DGLUCY: variants seen among roughly 807,000 people sequenced by gnomAD.
DGLUCY encodes D-glutamate cyclase, also known as D-glutamate cyclase, mitochondrial.
DGLUCY carries 58 observed loss-of-function variants against 58.5 expected under a neutral mutation model. The ratio of observed to expected loss-of-function variants is 0.99; its 90% CI spans 0.80 to 1.23. The LOEUF (loss-of-function observed/expected upper bound fraction) is 1.23. DGLUCY is among the 50% of genes most tolerant of loss of function. The pLI is 0.00. For missense variants in DGLUCY, 779 were observed against 784.7 expected, an observed-to-expected ratio of 0.99 and a Z score of 0.09; for synonymous variants, 325 against 314.1, an observed-to-expected ratio of 1.03 and a Z score of -0.37.
intron 1 of DGLUCY, among the ~76,000 whole-genome samples, chr14:91,129,716 G>A (rs1019020397): frequency 4.6e-5 from 7 of 151,192 alleles, no homozygotes; most frequent in African/African-American, 1.5e-4. Context: ...GCGCAATCTC[G>A]GCTCACCACA....
chr14:91,082,183 T>C (rs1318551226), intron 1 of DGLUCY, among the ~76,000 whole-genome samples: 1 of 152,054 alleles, frequency 6.6e-6, no homozygotes, highest in African/African-American at 2.4e-5. Flanking sequence ...GAAATTGTGA[T>C]AGAGCATGTA....
intron 1 of DGLUCY, among the ~76,000 whole-genome samples, chr14:91,115,429 C>T (rs1057366693): frequency 1.3e-5 from 2 of 151,704 alleles, no homozygotes; most frequent in Admixed American, 6.6e-5. Context: ...CCTTTTTTTC[C>T]CCCCTTCATT....
At position 91,165,312 on chromosome 14, in the gene DGLUCY, C is replaced by T. The variant is rs1055719876; in HGVS notation, c.104-1913C>T. 1.3e-4 allele frequency: 60 copies of T among 455,192 alleles called. No individual in the cohort carries two copies. The Admixed American group carries it at 1.4e-3, about 10-fold the overall frequency. 28.2% of individuals were successfully genotyped at this position (455,192 alleles called of 1,614,324 possible). On this transcript the variant is annotated intron_variant, in intron 3 of 13. Transcript: ENST00000256324. Reference sequence around the variant, plus strand: ...ACCGAGGTGCTCAATAACTTACATACATTACCTCCCTGAGGTCTCTTGGAG... The same window carrying T: ...ACCGAGGTGCTCAATAACTTACATATATTACCTCCCTGAGGTCTCTTGGAG...
At chr14:91,163,448 G>A (rs1001522514) in intron 3 of DGLUCY, among the ~76,000 whole-genome samples, 1 of 152,144 alleles carries the variant, frequency 6.6e-6, no homozygotes, top group Non-Finnish European at 1.5e-5. Context: ...GCAGCTGGGG[G>A]TGTCTCACGT....
At chr14:91,094,847 C>A (rs963671974) in intron 1 of DGLUCY, among the ~76,000 whole-genome samples, 13 of 151,884 alleles carry the variant, frequency 8.6e-5, no homozygotes, top group African/African-American at 2.9e-4. Context: ...AGTCTTCAGG[C>A]CTCGAGTGAG....
At chr14:91,110,269 G>A (rs1253402720), upstream of DGLUCY, among the ~76,000 whole-genome samples, 2 of 152,024 alleles carry the variant, frequency 1.3e-5, no homozygotes, top group Non-Finnish European at 2.9e-5. Context: ...TTGCACCTCT[G>A]GCCATACACA....
chr14:91,136,875 A>C, intron 1 of DGLUCY, among the ~76,000 whole-genome samples: 1 of 152,118 alleles, frequency 6.6e-6, no homozygotes, highest in East Asian at 1.9e-4. Context: ...AGGCTGAGGC[A>C]GGAGAATTGC....
chr14:91,215,293 T>C, intron 12 of DGLUCY, 112 bp from the exon 13 acceptor site: 3 of 1,482,806 alleles, frequency 2.0e-6, no homozygotes, highest in Non-Finnish European at 1.8e-6. Context: ...CAGATGATAC[T>C]GGTGCTACGG....
At position 91,223,705 on chromosome 14, in the gene DGLUCY, T is replaced by C. The variant is rs931339678; in HGVS notation, c.1717-979T>C. ...AGAGCAAAGGGAGAAAGCTCTAGGC[T>C]AAAGGCCAGAAGACCTAGCCCTGCC... On this transcript the variant is annotated intron_variant, in intron 13 of 13. Transcript: ENST00000256324. The C allele has an allele frequency of 2.5e-4, 321 of 1,288,000 alleles. 2 individuals are homozygous for C. The highest frequency in any genetic ancestry group is 2.9e-4 in the Non-Finnish European group (290 of 988,452). The allele number at this position is 1,288,000 out of a possible 1,614,324, so 79.8% of individuals were successfully genotyped here. A position where few individuals can be genotyped will look rare whatever the true frequency, so the allele number is the denominator to read the frequency against.
chr14:91,182,747 G>A (rs976865937), intron 8 of DGLUCY, among the ~76,000 whole-genome samples: 1 of 152,128 alleles, frequency 6.6e-6, no homozygotes, highest in Non-Finnish European at 1.5e-5. Context: ...GGACCCTACA[G>A]CCACAGCCTC....
At chr14:91,218,469 C>G (rs1244340634) in intron 13 of DGLUCY, among the ~76,000 whole-genome samples, 1 of 150,218 alleles carries the variant, frequency 6.7e-6, no homozygotes, top group African/African-American at 2.5e-5. Flanking sequence ...GTGGAGAAAT[C>G]TCAGCTCACT....
In DGLUCY at chr14:91,196,410, C is replaced by T; in HGVS notation, c.1231C>T (p.Gln411Ter). The T allele has an allele frequency of 6.2e-7, 1 of 1,613,978 alleles. No individual in the cohort carries two copies. Among genetic ancestry groups the T allele is most frequent in the Non-Finnish European group, 8.5e-7 (1 of 1,179,990 alleles). Residue 411 changes from glutamine to a stop codon, truncating the protein, a stop_gained, in exon 10 of 14, where the codon CAA (glutamine) becomes TAA (stop). Transcript: ENST00000256324. LOFTEE classifies it high-confidence loss of function. ...GACGCAGATCCCGATATTAACTTAC[C>T]AAGGTGGATCAGTGGAAGCTGCTCA... ...LKTQIPILTY[Q>*]GGSVEAAQAF...
At position 91,204,630 on chromosome 14, in the gene DGLUCY, T is replaced by C. The variant is rs757963723; in HGVS notation, c.1445-76T>C. On this transcript the variant is annotated intron_variant, in intron 11 of 13. Transcript: ENST00000256324. ...TGCCCTCCCAAAGGCAACAAGCACA[T>C]GTAGGGCTGCCTTGCTTCAGGCCTC... The C allele has an allele frequency of 2.8e-5, 44 of 1,571,112 alleles. No individual in the cohort carries two copies. The East Asian group carries it at 7.6e-4, about 27-fold the overall frequency.
chr14:91,092,643 A>G (rs1595632117), intron 1 of DGLUCY, among the ~76,000 whole-genome samples: 1 of 152,254 alleles, frequency 6.6e-6, no homozygotes, highest in African/African-American at 2.4e-5. Flanking sequence ...GTTGTGGTTC[A>G]TGAACTCCTT....
chr14:91,074,484 A>C (rs1360129461), intron 1 of DGLUCY, among the ~76,000 whole-genome samples: 1 of 151,824 alleles, frequency 6.6e-6, no homozygotes, highest in African/African-American at 2.4e-5. Context: ...CTGACTCAAA[A>C]AAACAAAAAA....
In DGLUCY at chr14:91,189,039, A is replaced by T; in HGVS notation, c.1064A>T (p.Glu355Val). 6.2e-7 allele frequency: 1 copy of T among 1,614,144 alleles called. No homozygotes were observed. The highest frequency in any genetic ancestry group is 8.5e-7 in the Non-Finnish European group (1 of 1,180,026). The change falls in exon 9 of 14, where the codon GAG (glutamate) becomes GTG (valine). Residue 355 changes from glutamate (E) to valine (V), a missense_variant. By Grantham distance (121) the Glu-to-Val change is moderately radical. Coordinates refer to ENST00000256324, the MANE Select transcript of DGLUCY (RefSeq NM_001102368.3). ...PTHFNHEPPE[E>V]TDGPPGAVAL... ...CATTTCAATCATGAGCCTCCAGAAG[A>T]GACAGATGGCCCACCAGGAGCTGTT...
chr14:91,078,188 C>G (rs1298293544), intron 1 of DGLUCY, among the ~76,000 whole-genome samples: 1 of 152,200 alleles, frequency 6.6e-6, no homozygotes, highest in Non-Finnish European at 1.5e-5. Context: ...ACCACCACGC[C>G]TGGCTCCTTT....
chr14:91,209,478 G>C (rs1026421279), intron 12 of DGLUCY, among the ~76,000 whole-genome samples: 9 of 152,080 alleles, frequency 5.9e-5, no homozygotes, highest in Non-Finnish European at 8.8e-5. Context: ...GGAGGCCGAG[G>C]CTGGGTGGAT....
intron 1 of DGLUCY, among the ~76,000 whole-genome samples, chr14:91,141,419 A>T (rs985886361): frequency 1.5e-4 from 23 of 152,032 alleles, no homozygotes; most frequent in African/African-American, 5.6e-4. Context: ...TATATTGAAC[A>T]TTTACTATGT....
Sources: gnomAD v4.1 joint callset for allele counts (sites outside exome capture counted in the v4.1 genomes callset) on GRCh38, gnomAD v4.1.1 for gene constraint, MANE v1.5 for transcripts, NCBI Gene and HGNC (gene_info 2026-07-23, HGNC 2026-07-21) for gene names.